Variants in PROCA1 observed in about 807,000 individuals in gnomAD.
PROCA1 encodes protein interacting with cyclin A1.
A neutral mutation model predicts 23.2 loss-of-function variants in PROCA1; 22 were observed. The observed-to-expected ratio is 0.95, with a 90% CI of 0.68 to 1.35. The LOEUF (loss-of-function observed/expected upper bound fraction) is 1.35. Ranked by LOEUF, PROCA1 falls within the 40% of genes most tolerant of loss-of-function variation. The probability of loss-of-function intolerance (pLI) is 0.00; values close to 1 mark genes in which losing one functional copy is unlikely to be tolerated. For synonymous variants in PROCA1, 182 were observed against 179.2 expected (o/e 1.02, Z -0.12); for missense variants, 469 against 459.8 (o/e 1.02, Z -0.18).
In PROCA1 at chr17:28,704,078, C is replaced by G; in HGVS notation, c.575G>C (p.Gly192Ala). 6.3e-7 allele frequency: 1 copy of G among 1,595,294 alleles called. No homozygotes were observed. Among genetic ancestry groups the G allele is most frequent in the Non-Finnish European group, 8.5e-7 (1 of 1,174,000 alleles). ...ESKPPIPTQVGPATASPDLGT... is the reference protein window; with the variant it reads ...ESKPPIPTQVAPATASPDLGT... ...TAGGTCAGGGGAGGCGGTGGCGGGC[C>G]CCACCTGTGTCGGGATGGGGGGCTT... is the stretch of plus-strand genomic sequence containing the variant. Residue 192 changes from glycine (G) to alanine (A), a missense_variant, in exon 5 of 5, where the codon GGG (glycine) becomes GCG (alanine). Transcript: ENST00000682792.
At chr17:28,711,483 G>C (rs1332652757) in intron 1 of PROCA1, 87 bp downstream of exon 1, 1 of 1,136,358 alleles carries the variant, frequency 8.8e-7, no homozygotes, top group East Asian at 2.7e-5. Flanking sequence ...CGTCTCCCTC[G>C]TCGGTTTGCC....
Position 28,703,418 on chromosome 17 carries a change from G to A in PROCA1, c.*140C>T, listed in dbSNP as rs1665455934. On this transcript the variant is annotated 3_prime_UTR_variant, in exon 5 of 5. Coordinates refer to ENST00000682792, the MANE Select transcript of PROCA1 (RefSeq NM_001366301.1). Reference sequence around the variant, plus strand: ...CCCATGGGCTTCCTTTGTGAAAGCTGGATTGCCTTTGAGAAACCCCTGCAG... The same window carrying A: ...CCCATGGGCTTCCTTTGTGAAAGCTAGATTGCCTTTGAGAAACCCCTGCAG... The A allele has an allele frequency of 1.3e-5, 11 of 852,162 alleles. No homozygotes were observed. In the Admixed American group the frequency reaches 2.7e-4, roughly 21 times the overall value. 52.8% of individuals were successfully genotyped at this position (852,162 alleles called of 1,614,324 possible). A position where few individuals can be genotyped will look rare whatever the true frequency, so the allele number is the denominator to read the frequency against.
At chr17:28,711,157 AC>A in intron 1 of PROCA1, 1 of 1,173,776 alleles carries the variant, frequency 8.5e-7, no homozygotes, top group Non-Finnish European at 1.1e-6. Flanking sequence ...TCCTTGGTCC[AC>A]CCTCAGGGTC....
rs2032797629 is a variant in PROCA1 at position 28,711,743 on chromosome 17, C to T, written c.-83G>A. On this transcript the variant is annotated 5_prime_UTR_variant, in exon 1 of 5. Coordinates refer to ENST00000682792, the MANE Select transcript of PROCA1 (RefSeq NM_001366301.1). ...CCTCAGCCCGGCCGAGCCCTCGGCC[C>T]AGCCGTGAACTCCAGTCTCGGCTTC... 1 of 1,212,412 alleles carries T rather than the reference C, an allele frequency of 8.2e-7. No individual in the cohort carries two copies. The highest frequency in any genetic ancestry group is 1.6e-5 in the African/African-American group (1 of 63,414). The allele number at this position is 1,212,412 out of a possible 1,614,324, so 75.1% of individuals were successfully genotyped here.
Position 28,711,603 on chromosome 17 carries a change from T to G in PROCA1, c.58A>C (p.Lys20Gln), listed in dbSNP as rs1447122831. 6.2e-7 allele frequency: 1 copy of G among 1,611,914 alleles called. No individual in the cohort carries two copies. Among genetic ancestry groups the G allele is most frequent in the African/African-American group, 1.3e-5 (1 of 74,714 alleles). The change falls in exon 1 of 5, where the codon AAG becomes CAG. Residue 20 changes from lysine to glutamine, a missense_variant. Lys to Gln is a moderately conservative substitution (Grantham distance 53). Coordinates refer to ENST00000682792, the MANE Select transcript of PROCA1 (RefSeq NM_001366301.1). ...ERWTKEKTEP[K>Q]ARSWDESRCR... ...CTGCTCTCATCCCACGAGCGGGCCT[T>G]GGGCTCGGTCTTTTCCTTAGTCCAT...
At chr17:28,704,532 C>G in intron 3 of PROCA1, 97 bp from the exon 4 acceptor site, 1 of 1,548,144 alleles carries the variant, frequency 6.5e-7, no homozygotes, top group Non-Finnish European at 8.7e-7. Context: ...GGGCCTGCCT[C>G]AGGCCAACAG....
intron 2 of PROCA1, chr17:28,705,361 C>T (rs1294613797): frequency 6.5e-6 from 1 of 153,800 alleles, no homozygotes; most frequent in Non-Finnish European, 1.4e-5. Context: ...CCACTTCCCC[C>T]TCCTCCCTTC....
chr17:28,704,892 G>A (rs1385312300), intron 2 of PROCA1, 49 bp from the exon 3 acceptor site: 2 of 1,580,304 alleles, frequency 1.3e-6, no homozygotes, highest in Admixed American at 1.7e-5. Flanking sequence ...AGACCTCTGG[G>A]TCTTCCCACA....
Position 28,704,766 on chromosome 17 carries a change from C to T in PROCA1, c.253G>A (p.Asp85Asn), listed in dbSNP as rs2032376089. 3.7e-6 allele frequency: 6 copies of T among 1,613,958 alleles called. No individual in the cohort carries two copies. The African/African-American group carries it at 6.7e-5, about 18-fold the overall frequency. ...TGHIIYPFAS[D>N]CVRHSLHLHS... is the part of the protein sequence containing the mutation. ...AGGTGCAGGCTGTGGCGGACACAGT[C>T]AGAGGCGAAAGGGTAGATGATGTGC... Residue 85 changes from aspartate to asparagine, a missense_variant, in exon 3 of 5, where the codon GAC (aspartate) becomes AAC (asparagine). Physicochemically the swap from Asp to Asn is conservative, Grantham distance 23. Transcript: ENST00000682792.
intron 1 of PROCA1, among the ~76,000 whole-genome samples, chr17:28,709,544 C>G (rs1010801554): frequency 1.3e-5 from 2 of 151,906 alleles, no homozygotes; most frequent in South Asian, 4.2e-4. Context: ...CGTGAGCCAC[C>G]GCACCCGGCC....
chr17:28,707,081 A>G (rs1486436456), intron 1 of PROCA1: 1 of 310,368 alleles, frequency 3.2e-6, no homozygotes, highest in African/African-American at 2.2e-5. Flanking sequence ...ACTATGGAAG[A>G]CTTCTTGGAA....
In PROCA1 at chr17:28,711,642, G is replaced by T. The variant is rs772508942; in HGVS notation, c.19C>A (p.Leu7Ile). 4.3e-6 allele frequency: 7 copies of T among 1,612,632 alleles called. No individual in the cohort carries two copies. The South Asian group carries it at 6.6e-5, about 15-fold the overall frequency. ...TCCTTAGTCCATCTTTCAATTGTGA[G>T]CGTCGTCCTGACCCACATCGCTCTC... Reference protein sequence around the residue: MWVRTTLTIERWTKEKT... With the variant: MWVRTTITIERWTKEKT... The change falls in exon 1 of 5, where the codon CTC becomes ATC. Residue 7 changes from leucine to isoleucine, a missense_variant. Coordinates refer to ENST00000682792, the MANE Select transcript of PROCA1 (RefSeq NM_001366301.1).
In PROCA1 at chr17:28,703,425, C is replaced by T; in HGVS notation, c.*133G>A. 3.1e-6 allele frequency: 3 copies of T among 953,924 alleles called. No individual in the cohort carries two copies. The highest frequency in any genetic ancestry group is 4.7e-6 in the Non-Finnish European group (3 of 638,278). The allele number at this position is 953,924 out of a possible 1,614,324, so 59.1% of individuals were successfully genotyped here. A position where few individuals can be genotyped will look rare whatever the true frequency, so the allele number is the denominator to read the frequency against. On this transcript the variant is annotated 3_prime_UTR_variant, in exon 5 of 5. Coordinates refer to ENST00000682792, the MANE Select transcript of PROCA1 (RefSeq NM_001366301.1). ...GCTTCCTTTGTGAAAGCTGGATTGC[C>T]TTTGAGAAACCCCTGCAGCCCTGAG...
chr17:28,710,959 G>A (rs1345988611), intron 1 of PROCA1: 6 of 1,041,542 alleles, frequency 5.8e-6, no homozygotes, highest in Non-Finnish European at 7.6e-6. Flanking sequence ...GGGCACCAGA[G>A]CAGCCGAAAG....
chr17:28,708,270 G>A (rs1038148280), intron 1 of PROCA1, among the ~76,000 whole-genome samples: 4 of 152,152 alleles, frequency 2.6e-5, no homozygotes, highest in South Asian at 2.1e-4. Context: ...CTCCCAAAGT[G>A]TTGGGATTAC....
In PROCA1 at chr17:28,706,718, C is replaced by T. The variant is rs2032491620; in HGVS notation, c.137G>A (p.Gly46Asp). The change falls in exon 2 of 5, where the codon GGT becomes GAT. Residue 46 changes from glycine (G) to aspartate (D), a missense_variant. By Grantham distance (94) the Gly-to-Asp change is moderately conservative. Coordinates refer to ENST00000682792, the MANE Select transcript of PROCA1 (RefSeq NM_001366301.1). ...AGACACATCAGTGCTGGACGCCACA[C>T]CAGCCAGCAGATGTCCTCTCTCCCA... is the stretch of plus-strand genomic sequence containing the variant. Reference protein sequence around the residue: ...PSWERGHLLAGVASSTDVSTF... With the variant: ...PSWERGHLLADVASSTDVSTF... 3 of 1,303,806 alleles carry T rather than the reference C, an allele frequency of 2.3e-6. No homozygotes were observed. The highest frequency in any genetic ancestry group is 2.3e-5 in the Admixed American group (1 of 43,544). The allele number at this position is 1,303,806 out of a possible 1,614,324, so 80.8% of individuals were successfully genotyped here. A position where few individuals can be genotyped will look rare whatever the true frequency, so the allele number is the denominator to read the frequency against.
Position 28,711,773 on chromosome 17 carries a change from C to A in PROCA1, c.-113G>T. ...GTGAACTCCAGTCTCGGCTTCGCCC[C>A]CGCCTAGCCCCTAACCCCGCCTCAT... On this transcript the variant is annotated 5_prime_UTR_variant, in exon 1 of 5. Transcript: ENST00000682792. 1.2e-6 allele frequency: 1 copy of A among 848,898 alleles called. No homozygotes were observed. The allele number at this position is 848,898 out of a possible 1,614,324, so 52.6% of individuals were successfully genotyped here.
intron 1 of PROCA1, 77 bp from the exon 2 acceptor site, chr17:28,706,840 ACT>A (rs1035961890): frequency 2.3e-6 from 3 of 1,282,694 alleles, no homozygotes; most frequent in African/African-American, 1.6e-5. Context: ...ACCCCGAGAA[ACT>A]CCACATGTCA....
chr17:28,705,005 T>C (rs1444762853), intron 2 of PROCA1, 162 bp from the exon 3 acceptor site: 2 of 640,628 alleles, frequency 3.1e-6, no homozygotes, highest in Non-Finnish European at 5.4e-6. Flanking sequence ...AGTAACCCCA[T>C]GTCCCAGCAA....
Sources: allele counts gnomAD v4.1 joint callset (sites outside exome capture counted in the v4.1 genomes callset), GRCh38; gene constraint gnomAD v4.1.1; transcripts MANE v1.5; gene names NCBI Gene and HGNC (gene_info 2026-07-23, HGNC 2026-07-21).